The following BMAL1 variants were observed in gnomAD, a reference collection of about 807,000 sequenced individuals.
The protein encoded by BMAL1 is basic helix-loop-helix ARNT like 1.
the BMAL1 span, among the ~76,000 whole-genome samples, chr11:13,337,420 A>C: frequency 6.6e-6 from 1 of 152,214 alleles, no homozygotes; most frequent in Non-Finnish European, 1.5e-5. Context: ...ATGTATATCT[A>C]TTTATATCTA....
the BMAL1 span, chr11:13,355,080 T>C: frequency 1.6e-6 from 1 of 624,846 alleles, no homozygotes; most frequent in South Asian, 1.9e-5. Context: ...TAAGGCAGTG[T>C]AGAATATTCA....
chr11:13,299,886 G>T, the BMAL1 span, among the ~76,000 whole-genome samples: 1 of 152,196 alleles, frequency 6.6e-6, no homozygotes, highest in East Asian at 1.9e-4. Context: ...GACTTGAGGA[G>T]AGCTGGGCCT....
At chr11:13,361,940 G>A in the BMAL1 span, among the ~76,000 whole-genome samples, 1 of 152,206 alleles carries the variant, frequency 6.6e-6, no homozygotes, top group African/African-American at 2.4e-5. Flanking sequence ...ACTCAACAGT[G>A]GACTTCAGCT....
the BMAL1 span, among the ~76,000 whole-genome samples, chr11:13,349,768 C>T: frequency 6.6e-6 from 1 of 152,178 alleles, no homozygotes; most frequent in Non-Finnish European, 1.5e-5. Flanking sequence ...GAAGGACGGC[C>T]AGGCAGCAAG....
chr11:13,342,642 AT>A, the BMAL1 span, among the ~76,000 whole-genome samples: 11,181 of 152,134 alleles, frequency 0.073, 505 homozygotes, highest in East Asian at 0.19. Context: ...TTGGCCCCTG[AT>A]TTTTTCCCCC....
At chr11:13,340,736 A>T in the BMAL1 span, among the ~76,000 whole-genome samples, 1 of 151,968 alleles carries the variant, frequency 6.6e-6, no homozygotes, top group East Asian at 1.9e-4. Context: ...ACCATCTCTG[A>T]GTTCTTGTAT....
the BMAL1 span, chr11:13,374,262 A>G: frequency 1.4e-6 from 2 of 1,461,888 alleles, no homozygotes; most frequent in South Asian, 2.3e-5. Flanking sequence ...TAGACTAGTC[A>G]ACATGACCTT....
the BMAL1 span, among the ~76,000 whole-genome samples, chr11:13,350,817 A>C: frequency 6.6e-6 from 1 of 152,386 alleles, no homozygotes; most frequent in East Asian, 1.9e-4. Flanking sequence ...AAAACATGTC[A>C]CTTTTGGTCC....
At chr11:13,314,090 C>G in the BMAL1 span, among the ~76,000 whole-genome samples, 1 of 152,190 alleles carries the variant, frequency 6.6e-6, no homozygotes, top group Admixed American at 6.5e-5. Flanking sequence ...CCCTACCCAG[C>G]ACCTCTCCAT....
At chr11:13,325,954 C>T in the BMAL1 span, among the ~76,000 whole-genome samples, 6 of 151,924 alleles carry the variant, frequency 3.9e-5, 1 homozygote, top group East Asian at 1.2e-3. Context: ...TCTGTAATCC[C>T]AGCACTGTGG....
At chr11:13,280,796 A>C in the BMAL1 span, among the ~76,000 whole-genome samples, 1 of 152,142 alleles carries the variant, frequency 6.6e-6, no homozygotes, top group South Asian at 2.1e-4. Context: ...CCCCCTCAGC[A>C]TCTCTTACTT....
the BMAL1 span, among the ~76,000 whole-genome samples, chr11:13,301,214 C>T: frequency 6.6e-6 from 1 of 152,214 alleles, no homozygotes; most frequent in Non-Finnish European, 1.5e-5. Context: ...GGATTACAGG[C>T]ATGAGCCACT....
chr11:13,289,114 A>T, the BMAL1 span, among the ~76,000 whole-genome samples: 1 of 152,196 alleles, frequency 6.6e-6, no homozygotes. Flanking sequence ...AGGTATAACA[A>T]TTCCTGTTGA....
At chr11:13,296,594 A>G in the BMAL1 span, among the ~76,000 whole-genome samples, 2 of 152,230 alleles carry the variant, frequency 1.3e-5, no homozygotes, top group African/African-American at 4.8e-5. Context: ...GCATGTGTGT[A>G]CCTACATGTT....
chr11:13,284,202 ATATATATGTG>A, the BMAL1 span, among the ~76,000 whole-genome samples: 312 of 47,440 alleles, frequency 6.6e-3, 32 homozygotes, highest in African/African-American at 0.021. Flanking sequence ...ATGTGTGTAT[ATATATATGTG>A]TATATATATA....
the BMAL1 span, among the ~76,000 whole-genome samples, chr11:13,327,679 G>A: frequency 6.6e-6 from 1 of 152,164 alleles, no homozygotes; most frequent in Non-Finnish European, 1.5e-5. Context: ...CCATCATCGT[G>A]TTTACTGTGA....
chr11:13,363,150 ATATATATATATATATATG>A, the BMAL1 span, among the ~76,000 whole-genome samples: 2 of 70,106 alleles, frequency 2.9e-5, no homozygotes, highest in Admixed American at 1.6e-4. Flanking sequence ...ATATATATAT[ATATATATATATATATATG>A]TAAAATAATT....
chr11:13,310,650 A>G, the BMAL1 span, among the ~76,000 whole-genome samples: 1 of 152,236 alleles, frequency 6.6e-6, no homozygotes, highest in Admixed American at 6.5e-5. Context: ...TAATATGGAA[A>G]TGAATGGGTG....
chr11:13,372,718 G>A, the BMAL1 span, among the ~76,000 whole-genome samples: 1 of 152,100 alleles, frequency 6.6e-6, no homozygotes, highest in Non-Finnish European at 1.5e-5. Flanking sequence ...GCTGAAGCAG[G>A]AGGATCAGCT....
Sources: gnomAD v4.1 joint callset for allele counts (sites outside exome capture counted in the v4.1 genomes callset) on GRCh38, gnomAD v4.1.1 for gene constraint, MANE v1.5 for transcripts, NCBI Gene and HGNC (gene_info 2026-07-23, HGNC 2026-07-21) for gene names.